ZNF208: variants seen among roughly 807,000 people sequenced by gnomAD.
The protein encoded by ZNF208 is zinc finger protein 95.
A neutral mutation model predicts 12.1 loss-of-function variants in ZNF208; 10 were observed. The observed-to-expected ratio is 0.83, with a 90% CI of 0.51 to 1.40. The LOEUF (loss-of-function observed/expected upper bound fraction) is 1.40. Among genes scored for constraint, ZNF208 ranks in the 40% most tolerant of loss-of-function variants. The pLI, the probability that ZNF208 is intolerant of heterozygous loss-of-function variation, is 0.00. For missense variants in ZNF208, 1,652 were observed against 1,485.0 expected (o/e 1.11, Z -1.85); for synonymous variants, 497 against 488.4 (o/e 1.02, Z -0.23).
At chr19:21,990,605 A>G (rs1970715681) in intron 1 of ZNF208, among the ~76,000 whole-genome samples, 2 of 152,128 alleles carry the variant, frequency 1.3e-5, no homozygotes, top group South Asian at 4.1e-4. Context: ...TGAATTTTAA[A>G]GTAGTTTTTT....
intron 4 of ZNF208, among the ~76,000 whole-genome samples, chr19:21,942,426 A>C (rs2145508752): frequency 6.6e-6 from 1 of 152,300 alleles, no homozygotes; most frequent in South Asian, 2.1e-4. Context: ...GTGTATTCAA[A>C]GTTTTCTAGT....
intron 3 of ZNF208, among the ~76,000 whole-genome samples, chr19:21,984,952 C>G (rs1391640546): frequency 1.3e-5 from 2 of 152,114 alleles, no homozygotes; most frequent in Non-Finnish European, 2.9e-5. Context: ...TATGAGGAGT[C>G]ATTTACATAG....
intron 4 of ZNF208, among the ~76,000 whole-genome samples, chr19:21,945,344 A>G (rs1969800021): frequency 6.6e-6 from 1 of 152,194 alleles, no homozygotes; most frequent in Admixed American, 6.5e-5. Flanking sequence ...AAATTACTTT[A>G]TGCTGCATCT....
chr19:21,987,031 A>T, intron 3 of ZNF208, 185 bp downstream of exon 3: 1 of 553,966 alleles, frequency 1.8e-6, no homozygotes, highest in Non-Finnish European at 3.0e-6. Flanking sequence ...AAGAATTCTT[A>T]GAAATTTTAA....
chr19:21,974,036 G>T lies in ZNF208; in HGVS notation c.998C>A (p.Ala333Glu). 3.8e-6 allele frequency: 5 copies of T among 1,330,646 alleles called. No individual in the cohort carries two copies. Among genetic ancestry groups the T allele is most frequent in the South Asian group, 3.3e-5 (2 of 61,268 alleles). The allele number at this position is 1,330,646 out of a possible 1,614,324, so 82.4% of individuals were successfully genotyped here. Residue 333 changes from alanine (A) to glutamate (E), a missense_variant, in exon 4 of 4, where the codon GCA becomes GAA. Physicochemically the swap from Ala to Glu is moderately radical, Grantham distance 107. Around this residue, in one of 3 missense-constraint regions of ZNF208, gnomAD observed 3 missense variants for 20.6 expected, o/e 0.15. Transcript: ENST00000397126. The stretch of plus-strand genomic sequence containing the variant: ...GTAGGGCTTCTCTCCAGCATGAATT[G>T]CCTTATGTGTAATAAGGGTTGAGAC... ...SKVSTLITHK[A>E]IHAGEKPYKC...
rs375743296 is a variant in ZNF208 at position 21,941,885 on chromosome 19, A to G, written c.306-8648T>C. Among the ~76,000 whole-genome samples, 56 of 152,264 alleles carry G rather than the reference A, an allele frequency of 3.7e-4. No individual in the cohort carries two copies. In the East Asian group the frequency reaches 9.6e-3, roughly 26 times the overall value. On this transcript the variant is annotated intron_variant, in intron 4 of 4. Coordinates refer to the ZNF208 transcript ENST00000599916. ...GCCTGGATATATTTTGGACTTTAGT[A>G]TGTTAAAGACAACGTAAAAAAAAAA...
Position 21,973,856 on chromosome 19 carries a change from C to A in ZNF208, c.1178G>T (p.Gly393Val), listed in dbSNP as rs370613691. ...TTCTTCACATTTGTAGGGTTTCTCT[C>A]CAGTATGAATTTTCTTATGATAACT... Reference protein sequence around the residue: ...TLSYHKKIHTGEKPYKCEECG... With the variant: ...TLSYHKKIHTVEKPYKCEECG... The change falls in exon 4 of 4, where the codon GGA (glycine) becomes GTA (valine). Residue 393 changes from glycine to valine, a missense_variant. Transcript: ENST00000397126. 2.5e-5 allele frequency: 41 copies of A among 1,613,108 alleles called. No individual in the cohort carries two copies. Among genetic ancestry groups the A allele is most frequent in the African/African-American group, 4.0e-5 (3 of 74,798 alleles).
chr19:21,975,898 G>T (rs1970422405), intron 3 of ZNF208, among the ~76,000 whole-genome samples: 1 of 92,862 alleles, frequency 1.1e-5, no homozygotes, highest in Non-Finnish European at 2.2e-5. Context: ...CCTGCCTAAT[G>T]GGGGAAAAAA....
chr19:21,943,370 C>T (rs1969772524), intron 4 of ZNF208, among the ~76,000 whole-genome samples: 1 of 152,184 alleles, frequency 6.6e-6, no homozygotes, highest in Non-Finnish European at 1.5e-5. Context: ...TAAGATCCAG[C>T]AGTGCATACA....
chr19:21,946,147 T>C (rs184556551), intron 4 of ZNF208, among the ~76,000 whole-genome samples: 250 of 152,336 alleles, frequency 1.6e-3, no homozygotes, highest in Admixed American at 4.2e-3. Flanking sequence ...TGGGCTTTGA[T>C]GGGTTCTGTG....
chr19:21,954,297 G>GA (rs1223755820), intron 4 of ZNF208, among the ~76,000 whole-genome samples: 1 of 152,182 alleles, frequency 6.6e-6, no homozygotes, highest in Non-Finnish European at 1.5e-5. Flanking sequence ...GTGCTGAGAA[G>GA]AATCTATATT....
Position 21,974,370 on chromosome 19 carries a change from C to A in ZNF208, c.664G>T (p.Ala222Ser), listed in dbSNP as rs61748335. ...CTGTAGGGTTTCTCTCCAGTATGAGCACTCTTATAATAAGTAAGGGTTGAG... is the reference window on the plus strand; with the variant it reads ...CTGTAGGGTTTCTCTCCAGTATGAGAACTCTTATAATAAGTAAGGGTTGAG... The part of the protein sequence containing the change: ...WSSTLTYYKS[A>S]HTGEKPYRCK... Residue 222 changes from alanine to serine, a missense_variant, in exon 4 of 4, where the codon GCT (alanine) becomes TCT (serine). Coordinates refer to ENST00000397126, the MANE Select transcript of ZNF208 (RefSeq NM_007153.3). 2 of 1,613,482 alleles carry A rather than the reference C, an allele frequency of 1.2e-6. No individual in the cohort carries two copies. The highest frequency in any genetic ancestry group is 1.7e-6 in the Non-Finnish European group (2 of 1,179,710).
At chr19:21,988,195 G>T (rs576924674) in intron 2 of ZNF208, among the ~76,000 whole-genome samples, 1 of 152,134 alleles carries the variant, frequency 6.6e-6, no homozygotes, top group East Asian at 1.9e-4. Flanking sequence ...AGGTCAAGAT[G>T]AAACATCTTG....
intron 4 of ZNF208, among the ~76,000 whole-genome samples, chr19:21,947,679 T>C (rs2666451): frequency 0.39 from 58,586 of 152,114 alleles, 11,723 homozygotes; most frequent in East Asian, 0.5. Flanking sequence ...AGGCACATGT[T>C]CTTCATCAAA....
At chr19:21,953,712 G>T (rs1387773711) in intron 4 of ZNF208, among the ~76,000 whole-genome samples, 1 of 152,014 alleles carries the variant, frequency 6.6e-6, no homozygotes, top group African/African-American at 2.4e-5. Flanking sequence ...AACATGCCAA[G>T]TTGTAAAGAC....
chr19:21,978,080 C>A (rs1970466373), intron 3 of ZNF208, among the ~76,000 whole-genome samples: 1 of 152,154 alleles, frequency 6.6e-6, no homozygotes, highest in South Asian at 2.1e-4. Context: ...CATTCAGGGG[C>A]ATATAGATAA....
chr19:21,972,634 A>G lies in ZNF208; in HGVS notation c.2400T>C (p.Thr800=). ...CTTCACATTTGTAGGGTTTCTCATC[A>G]GTATGAATTCTCTTATGTTTAATAA... ...AILIKHKRIH[T]DEKPYKCEEC... Residue 800 remains threonine (T), a synonymous_variant, in exon 4 of 4, where the codon ACT becomes ACC. Coordinates refer to ENST00000397126, the MANE Select transcript of ZNF208 (RefSeq NM_007153.3). 1 of 1,613,358 alleles carries G rather than the reference A, an allele frequency of 6.2e-7. No individual in the cohort carries two copies. The highest frequency in any genetic ancestry group is 8.5e-7 in the Non-Finnish European group (1 of 1,179,882).
intron 4 of ZNF208, among the ~76,000 whole-genome samples, chr19:21,957,568 A>G (rs1969996178): frequency 6.6e-6 from 1 of 152,178 alleles, no homozygotes; most frequent in Non-Finnish European, 1.5e-5. Flanking sequence ...TAGAAACACT[A>G]TGCTCTTGGA....
chr19:21,953,218 G>A (rs1052658243), intron 4 of ZNF208, among the ~76,000 whole-genome samples: 2 of 152,204 alleles, frequency 1.3e-5, no homozygotes, highest in African/African-American at 4.8e-5. Flanking sequence ...TGGGGAGAAT[G>A]GAACCAAGTA....
Sources: gnomAD v4.1 joint callset for allele counts (sites outside exome capture counted in the v4.1 genomes callset) on GRCh38, gnomAD v4.1.1 for gene constraint, gnomAD v4.1.1 regional missense constraint, MANE v1.5 for transcripts, NCBI Gene and HGNC (gene_info 2026-07-23, HGNC 2026-07-21) for gene names.